DYM: variants seen among roughly 807,000 people sequenced by gnomAD.
DYM encodes dyggve-Melchior-Clausen syndrome protein.
In DYM, 78 loss-of-function variants were observed where a neutral mutation model predicts 93.1. That is an observed-to-expected ratio of 0.84 (90% confidence interval 0.70 to 1.01). DYM has a LOEUF of 1.01. DYM is among the 50% of genes least tolerant of loss of function. DYM has a pLI of 0.00. For synonymous variants in DYM, 321 were observed against 319.7 expected, an observed-to-expected ratio of 1.00 and a Z score of -0.04; for missense variants, 789 against 845.0, an observed-to-expected ratio of 0.93 and a Z score of 0.82.
intron 5 of DYM, among the ~76,000 whole-genome samples, chr18:49,370,877 T>C (rs189590735): frequency 9.6e-4 from 146 of 152,350 alleles, no homozygotes; most frequent in South Asian, 2.7e-3. Context: ...TTTTAGTGCA[T>C]TGATGGGCTT....
chr18:49,353,601 T>G (rs1021493455), intron 6 of DYM, among the ~76,000 whole-genome samples: 1 of 151,814 alleles, frequency 6.6e-6, no homozygotes, highest in Admixed American at 6.6e-5. Flanking sequence ...AGGGAAAAGG[T>G]GCAAGTAGAA....
chr18:49,293,593 A>T (rs1468574813), intron 8 of DYM, among the ~76,000 whole-genome samples: 1 of 151,956 alleles, frequency 6.6e-6, no homozygotes. Flanking sequence ...ATGAGCTTTC[A>T]TATGTTTGTT....
intron 13 of DYM, among the ~76,000 whole-genome samples, chr18:49,231,766 G>A (rs114877117): frequency 0.01 from 1,576 of 152,226 alleles, 25 homozygotes; most frequent in African/African-American, 0.036. Context: ...ACAATGCTTC[G>A]TAGTGTACTA....
At chr18:49,438,190 A>C (rs2081024915) in intron 1 of DYM, among the ~76,000 whole-genome samples, 1 of 152,286 alleles carries the variant, frequency 6.6e-6, no homozygotes, top group South Asian at 2.1e-4. Context: ...ATAAATCAAA[A>C]TAACTGCTCA....
At chr18:49,248,257 T>C (rs2094212112) in intron 13 of DYM, among the ~76,000 whole-genome samples, 1 of 152,206 alleles carries the variant, frequency 6.6e-6, no homozygotes, top group Non-Finnish European at 1.5e-5. Flanking sequence ...TTGGGGAATA[T>C]AGGCAATTCA....
intron 2 of DYM, among the ~76,000 whole-genome samples, chr18:49,402,951 G>A (rs562394530): frequency 5.7e-4 from 86 of 152,176 alleles, no homozygotes; most frequent in Admixed American, 2.1e-3. Context: ...TTTGAGAATC[G>A]CAGTTCTCAT....
intron 11 of DYM, among the ~76,000 whole-genome samples, chr18:49,266,851 T>G (rs1381917843): frequency 6.6e-6 from 1 of 152,192 alleles, no homozygotes; most frequent in African/African-American, 2.4e-5. Flanking sequence ...TCTCCTGTGC[T>G]GCCTATTGTC....
At chr18:49,420,513 A>G (rs933745829) in intron 2 of DYM, among the ~76,000 whole-genome samples, 1 of 152,164 alleles carries the variant, frequency 6.6e-6, no homozygotes, top group Admixed American at 6.5e-5. Flanking sequence ...TGTATACAAT[A>G]AAGTTAAAAA....
chr18:49,144,705 A>C (rs887763030), intron 15 of DYM, among the ~76,000 whole-genome samples: 3 of 152,128 alleles, frequency 2.0e-5, no homozygotes, highest in Non-Finnish European at 2.9e-5. Flanking sequence ...CAAAAGCATA[A>C]GTCCATGCAG....
Position 49,107,041 on chromosome 18 carries a change from A to G in DYM, c.1912-9526T>C, listed in dbSNP as rs367833846. On this transcript the variant is annotated intron_variant, in intron 16 of 17. Coordinates refer to ENST00000675505, the MANE Select transcript of DYM (RefSeq NM_001353214.3). The stretch of plus-strand genomic sequence containing the variant: ...CATTCTCCCCGTCACTTTCAGGTAC[A>G]CCAATCAGACGTAGATTCGGTCTTT... Among the ~76,000 whole-genome samples, 23 of 152,330 alleles carry G rather than the reference A, an allele frequency of 1.5e-4. No homozygotes were observed. In the South Asian group the frequency reaches 4.6e-3, roughly 30 times the overall value.
intron 8 of DYM, among the ~76,000 whole-genome samples, chr18:49,310,838 T>C (rs959906576): frequency 6.6e-5 from 10 of 152,270 alleles, no homozygotes; most frequent in Non-Finnish European, 1.5e-4. Flanking sequence ...TGTTGTTCAA[T>C]TGAAACAATA....
intron 12 of DYM, 45 bp downstream of exon 12, chr18:49,258,335 T>C (rs1237264305): frequency 7.5e-7 from 1 of 1,338,478 alleles, no homozygotes; most frequent in African/African-American, 1.4e-5. Context: ...ATCGTCTTAA[T>C]TGTACTGTAT....
At chr18:49,210,784 G>A (rs986536148) in intron 13 of DYM, among the ~76,000 whole-genome samples, 3 of 152,136 alleles carry the variant, frequency 2.0e-5, no homozygotes, top group African/African-American at 7.2e-5. Flanking sequence ...TTGGAGGCCA[G>A]GGGATATATG....
At chr18:49,358,496 A>T (rs1204327056) in intron 6 of DYM, among the ~76,000 whole-genome samples, 1 of 152,206 alleles carries the variant, frequency 6.6e-6, no homozygotes, top group African/African-American at 2.4e-5. Context: ...CTCCCTGAAA[A>T]AGGCAGTGAA....
Position 49,292,589 on chromosome 18 carries a change from T to C in DYM, c.764-5973A>G, listed in dbSNP as rs1385176007. Among the ~76,000 whole-genome samples, 4 of 86,446 alleles carry C rather than the reference T, an allele frequency of 4.6e-5. No homozygotes were observed. In the East Asian group the frequency reaches 1.3e-3, roughly 27 times the overall value. 56.7% of individuals were successfully genotyped at this position (86,446 alleles called of 152,430 possible). A position where few individuals can be genotyped will look rare whatever the true frequency, so the allele number is the denominator to read the frequency against. ...ATCTTAGTGGAATTGCATTTTCCTG[T>C]TGGAAAAAAAAAAAAAAAAAAAAAA... On this transcript the variant is annotated intron_variant, in intron 8 of 17. Transcript: ENST00000675505.
At chr18:49,212,380 T>C (rs1234241463) in intron 13 of DYM, among the ~76,000 whole-genome samples, 1 of 152,192 alleles carries the variant, frequency 6.6e-6, no homozygotes, top group African/African-American at 2.4e-5. Context: ...TCTGTAAACT[T>C]ATTCTCAACC....
intron 13 of DYM, among the ~76,000 whole-genome samples, chr18:49,247,969 C>G (rs2094206511): frequency 6.6e-6 from 1 of 152,202 alleles, no homozygotes; most frequent in Admixed American, 6.5e-5. Flanking sequence ...ATTTTCAAGA[C>G]AAACATTCCT....
chr18:49,097,380 G>T lies in DYM; in HGVS notation c.2025+22C>A. ...TCAAGGGACACGGCAGTGTCAAGTG[G>T]ACATTTCTTTAGCCTTCTTACCTTC... is the stretch of plus-strand genomic sequence containing the variant. On this transcript the variant is annotated intron_variant, in intron 17 of 17. Transcript: ENST00000675505. 3.1e-6 allele frequency: 5 copies of T among 1,607,390 alleles called. No homozygotes were observed. In the South Asian group the frequency reaches 3.3e-5, roughly 11 times the overall value.
At chr18:49,146,684 T>G (rs1036778070) in intron 15 of DYM, among the ~76,000 whole-genome samples, 22 of 151,960 alleles carry the variant, frequency 1.4e-4, no homozygotes, top group African/African-American at 3.4e-4. Flanking sequence ...CACTGCTCAA[T>G]GAAATAAAAG....
Sources: gnomAD v4.1 joint callset for allele counts (sites outside exome capture counted in the v4.1 genomes callset) on GRCh38, gnomAD v4.1.1 for gene constraint, MANE v1.5 for transcripts, NCBI Gene and HGNC (gene_info 2026-07-23, HGNC 2026-07-21) for gene names.